RTN4RL1: variants seen among roughly 807,000 people sequenced by gnomAD.
RTN4RL1 encodes reticulon-4 receptor-like 1.
In RTN4RL1, 7 loss-of-function variants were observed where a neutral mutation model predicts 25.6. That is an observed-to-expected ratio of 0.27 (90% CI 0.16 to 0.51). The LOEUF (loss-of-function observed/expected upper bound fraction) is 0.51, where lower values mean the gene tolerates loss of function less well. Ranked by LOEUF, RTN4RL1 falls within the 20% of genes least tolerant of loss-of-function variation. The pLI, the probability that RTN4RL1 is intolerant of heterozygous loss-of-function variation, is 0.97. For missense variants in RTN4RL1, 500 were observed against 615.6 expected, an observed-to-expected ratio of 0.81 and a Z score of 1.99; for synonymous variants, 297 against 288.2, an observed-to-expected ratio of 1.03 and a Z score of -0.31.
At chr17:2,014,235 A>G (rs554145480) in intron 1 of RTN4RL1, among the ~76,000 whole-genome samples, 1 of 152,300 alleles carries the variant, frequency 6.6e-6, no homozygotes, top group Non-Finnish European at 1.5e-5. Flanking sequence ...ACAGAGCAGC[A>G]TGAGGGATCT....
At chr17:1,992,160 C>CGA (rs1047699925) in intron 1 of RTN4RL1, among the ~76,000 whole-genome samples, 29 of 151,854 alleles carry the variant, frequency 1.9e-4, no homozygotes, top group African/African-American at 6.5e-4. Context: ...GTCAGGAGAA[C>CGA]GAGACCATCC....
At chr17:2,014,502 A>G (rs1597250409) in intron 1 of RTN4RL1, among the ~76,000 whole-genome samples, 1 of 152,184 alleles carries the variant, frequency 6.6e-6, no homozygotes, top group African/African-American at 2.4e-5. Flanking sequence ...TGTTCTAGGC[A>G]GAATGAGCTG....
At chr17:1,975,608 G>A (rs994098534) in intron 1 of RTN4RL1, among the ~76,000 whole-genome samples, 6 of 152,028 alleles carry the variant, frequency 3.9e-5, no homozygotes, top group South Asian at 2.1e-4. Flanking sequence ...CTGAGATTGC[G>A]CCACTGCACT....
At chr17:1,955,770 G>A (rs994954645) in intron 1 of RTN4RL1, among the ~76,000 whole-genome samples, 1 of 151,638 alleles carries the variant, frequency 6.6e-6, no homozygotes, top group African/African-American at 2.4e-5. Flanking sequence ...TTTTAGTAGA[G>A]ACAGGGTTTC....
intron 1 of RTN4RL1, among the ~76,000 whole-genome samples, chr17:2,000,842 G>A (rs1006748039): frequency 1.3e-5 from 2 of 151,802 alleles, no homozygotes; most frequent in Admixed American, 1.3e-4. Context: ...TATTACCTAC[G>A]GGTCCAGCAG....
chr17:2,019,909 A>G (rs2067178576), intron 1 of RTN4RL1: 2 of 152,238 alleles, frequency 1.3e-5, no homozygotes, highest in African/African-American at 4.8e-5. Context: ...CTCACAGGGA[A>G]CATCCCTCTG....
At chr17:2,004,151 G>A (rs1427790842) in intron 1 of RTN4RL1, among the ~76,000 whole-genome samples, 10 of 151,736 alleles carry the variant, frequency 6.6e-5, no homozygotes, top group Non-Finnish European at 1.2e-4. Context: ...GGTGGATCAC[G>A]AGGTCAACAG....
chr17:1,973,079 T>C (rs2066827400), intron 1 of RTN4RL1, among the ~76,000 whole-genome samples: 1 of 152,140 alleles, frequency 6.6e-6, no homozygotes, highest in South Asian at 2.1e-4. Flanking sequence ...AAATAAAGAC[T>C]AGGCTGGGCA....
chr17:1,961,613 G>A (rs905726878), intron 1 of RTN4RL1, among the ~76,000 whole-genome samples: 1 of 151,664 alleles, frequency 6.6e-6, no homozygotes, highest in African/African-American at 2.4e-5. Context: ...GTGTGCTCTG[G>A]ACACCCCACA....
chr17:2,022,367 G>A (rs2067219712), intron 1 of RTN4RL1, among the ~76,000 whole-genome samples: 1 of 152,038 alleles, frequency 6.6e-6, no homozygotes, highest in Non-Finnish European at 1.5e-5. Context: ...GCCCGAGCTG[G>A]CCTCGAACTC....
chr17:1,962,337 A>G (rs2066768461), intron 1 of RTN4RL1, among the ~76,000 whole-genome samples: 1 of 151,896 alleles, frequency 6.6e-6, no homozygotes, highest in Non-Finnish European at 1.5e-5. Context: ...AAGAAAAAAC[A>G]GACTAGTTAC....
chr17:1,977,483 C>T (rs1285287685), intron 1 of RTN4RL1, among the ~76,000 whole-genome samples: 1 of 152,132 alleles, frequency 6.6e-6, no homozygotes, highest in Non-Finnish European at 1.5e-5. Context: ...GGATGACTTT[C>T]CCCAAACAAG....
At position 1,978,847 on chromosome 17, in the gene RTN4RL1, G is replaced by C. The variant is rs114071227; in HGVS notation, c.14-41039C>G. Among the ~76,000 whole-genome samples, 422 of 152,342 alleles carry C rather than the reference G, an allele frequency of 2.8e-3. 5 individuals are homozygous for C. The highest frequency in any genetic ancestry group is 9.7e-3 in the African/African-American group (405 of 41,582). ...AGCTCCCCACCACACCCCACTTCCA[G>C]TAACCTGTGCAGGGAACCTCTCAGA... On this transcript the variant is annotated intron_variant, in intron 1 of 1. Transcript: ENST00000331238.
At chr17:1,941,752 G>A (rs911138925) in intron 1 of RTN4RL1, among the ~76,000 whole-genome samples, 1 of 152,124 alleles carries the variant, frequency 6.6e-6, no homozygotes. Context: ...GCTTCTGCAC[G>A]CTGGAAGTTG....
chr17:1,949,863 C>T (rs1915638224), intron 1 of RTN4RL1, among the ~76,000 whole-genome samples: 1 of 152,228 alleles, frequency 6.6e-6, no homozygotes, highest in Non-Finnish European at 1.5e-5. Flanking sequence ...GGGCCTCCCT[C>T]CCTGGGCGAC....
chr17:1,963,287 G>C (rs2066774337), intron 1 of RTN4RL1, among the ~76,000 whole-genome samples: 1 of 152,230 alleles, frequency 6.6e-6, no homozygotes, highest in South Asian at 2.1e-4. Context: ...CATTTCTCTT[G>C]ATTGAATCAG....
At chr17:1,946,386 T>C (rs1339334700) in intron 1 of RTN4RL1, among the ~76,000 whole-genome samples, 1 of 152,262 alleles carries the variant, frequency 6.6e-6, no homozygotes, top group East Asian at 1.9e-4. Context: ...GAGGCCGGCC[T>C]GGGCCCAGAC....
chr17:2,004,980 T>C (rs1464328901), intron 1 of RTN4RL1, among the ~76,000 whole-genome samples: 4 of 152,236 alleles, frequency 2.6e-5, no homozygotes, highest in African/African-American at 9.6e-5. Flanking sequence ...GGCCACAATA[T>C]AGTGCCAAGA....
chr17:1,955,888 A>G (rs1178385685), intron 1 of RTN4RL1, among the ~76,000 whole-genome samples: 2 of 152,164 alleles, frequency 1.3e-5, no homozygotes, highest in African/African-American at 2.4e-5. Context: ...ATTGAATTAA[A>G]TAAGACTTGC....
Sources: allele counts gnomAD v4.1 joint callset (sites outside exome capture counted in the v4.1 genomes callset), GRCh38; gene constraint gnomAD v4.1.1; transcripts MANE v1.5; gene names NCBI Gene and HGNC (gene_info 2026-07-23, HGNC 2026-07-21).